Variants in ROBO2 observed in about 807,000 individuals in gnomAD.
ROBO2 encodes the protein roundabout guidance receptor 2.
ROBO2 carries 53 observed loss-of-function variants against 160.8 expected under a neutral mutation model. That is an observed-to-expected ratio of 0.33 (90% CI 0.26 to 0.41). ROBO2 has a LOEUF of 0.41. Among genes scored for constraint, ROBO2 ranks in the 10% least tolerant of loss-of-function variants. The probability of loss-of-function intolerance (pLI) is 1.00; values close to 1 mark genes in which losing one functional copy is unlikely to be tolerated. For synonymous variants in ROBO2, 664 were observed against 611.7 expected (o/e 1.09, Z -1.26); for missense variants, 1,577 against 1,722.4 (o/e 0.92, Z 1.49).
At chr3:76,465,330 G>A (rs1484768213) in intron 2 of ROBO2, among the ~76,000 whole-genome samples, 1 of 151,924 alleles carries the variant, frequency 6.6e-6, no homozygotes, top group Non-Finnish European at 1.5e-5. Flanking sequence ...TTTATTATTT[G>A]ACCAATTATA....
At chr3:76,404,653 T>TA (rs34949408) in intron 2 of ROBO2, among the ~76,000 whole-genome samples, 27,877 of 150,826 alleles carry the variant, frequency 0.18, 3,033 homozygotes, top group African/African-American at 0.3. Context: ...TGAGGGAATG[T>TA]AAAAAATGAG....
In ROBO2 at chr3:76,995,346, A is replaced by G. The variant is rs187599143; in HGVS notation, c.110-102668A>G. 3.0e-4 allele frequency among the ~76,000 whole-genome samples: 45 copies of G among 152,234 alleles called. 1 individual carries two copies. The East Asian group carries it at 7.0e-3, about 24-fold the overall frequency. On this transcript the variant is annotated intron_variant, in intron 2 of 26. Coordinates refer to the ROBO2 transcript ENST00000487694. ...TGCCACAATTTTCTTAATCCAGTCT[A>G]TCATTGATGGACATTTGGGTGGGTT...
At chr3:76,990,594 CA>C (rs1163581638) in intron 2 of ROBO2, among the ~76,000 whole-genome samples, 2 of 152,174 alleles carry the variant, frequency 1.3e-5, no homozygotes, top group African/African-American at 4.8e-5. Flanking sequence ...GGCCCCCCAA[CA>C]CACGCCAAGA....
At chr3:77,010,170 G>A (rs2061795250) in intron 2 of ROBO2, among the ~76,000 whole-genome samples, 1 of 151,926 alleles carries the variant, frequency 6.6e-6, no homozygotes, top group South Asian at 2.1e-4. Flanking sequence ...AAACACGGAG[G>A]ATTGCCCATT....
chr3:76,531,100 A>C (rs915554791), intron 2 of ROBO2, among the ~76,000 whole-genome samples: 1 of 152,206 alleles, frequency 6.6e-6, no homozygotes, highest in East Asian at 1.9e-4. Flanking sequence ...TGAAAATAAG[A>C]TAGGACATTT....
chr3:76,911,760 GGTTCT>G lies in ROBO2; in HGVS notation c.110-186253_110-186249del, dbSNP rs2076004807. ...AATGCATAAAAGGTAGATATCAAAA[GGTTCT>G]ATAAGATTTCCAAAAAGACAACAAT... On this transcript the variant is annotated intron_variant, in intron 2 of 26. Coordinates refer to the ROBO2 transcript ENST00000487694. 4.0e-5 allele frequency among the ~76,000 whole-genome samples: 6 copies of G among 151,892 alleles called. No homozygotes were observed. The South Asian group carries it at 1.0e-3, about 26-fold the overall frequency.
At chr3:76,046,575 G>A (rs1395253889) in intron 2 of ROBO2, among the ~76,000 whole-genome samples, 2 of 151,936 alleles carry the variant, frequency 1.3e-5, no homozygotes, top group Admixed American at 6.5e-5. Flanking sequence ...GTGAACCCGG[G>A]AGGCGGAGCT....
intron 2 of ROBO2, among the ~76,000 whole-genome samples, chr3:76,095,808 A>T (rs1044962168): frequency 6.6e-6 from 1 of 151,956 alleles, no homozygotes; most frequent in African/African-American, 2.4e-5. Context: ...TCTGGTAAAT[A>T]TAACAAGGAA....
intron 1 of ROBO2, among the ~76,000 whole-genome samples, chr3:77,043,330 C>T (rs145188715): frequency 6.6e-6 from 1 of 152,286 alleles, no homozygotes; most frequent in African/African-American, 2.4e-5. Flanking sequence ...GTGCTAGACA[C>T]AGATATTAAT....
At chr3:76,658,590 G>T (rs1455142204) in intron 2 of ROBO2, among the ~76,000 whole-genome samples, 1 of 152,076 alleles carries the variant, frequency 6.6e-6, no homozygotes, top group East Asian at 1.9e-4. Flanking sequence ...TGCAGTGCTT[G>T]GTTTTCTGTC....
At chr3:76,640,348 C>A (rs371203694) in intron 2 of ROBO2, among the ~76,000 whole-genome samples, 1 of 151,950 alleles carries the variant, frequency 6.6e-6, no homozygotes, top group Non-Finnish European at 1.5e-5. Flanking sequence ...CTGACCCACA[C>A]GGTGAAACCT....
At chr3:76,967,743 C>T (rs1188742373) in intron 2 of ROBO2, among the ~76,000 whole-genome samples, 1 of 151,800 alleles carries the variant, frequency 6.6e-6, no homozygotes. Context: ...GAGGGTCTTG[C>T]CGTATTGCCC....
chr3:76,715,052 T>G (rs1345276591), intron 2 of ROBO2, among the ~76,000 whole-genome samples: 2 of 152,166 alleles, frequency 1.3e-5, no homozygotes, highest in Non-Finnish European at 2.9e-5. Context: ...AATTATGGGA[T>G]GCAATGCCAC....
At chr3:76,981,031 G>C (rs1000849171) in intron 2 of ROBO2, among the ~76,000 whole-genome samples, 1 of 151,900 alleles carries the variant, frequency 6.6e-6, no homozygotes, top group Non-Finnish European at 1.5e-5. Context: ...ATTCGTTTTC[G>C]TCGCCTAATA....
At chr3:76,266,413 C>T (rs887076949) in intron 2 of ROBO2, among the ~76,000 whole-genome samples, 1 of 152,156 alleles carries the variant, frequency 6.6e-6, no homozygotes. Context: ...TTATCTATAA[C>T]TACTCTCACA....
intron 2 of ROBO2, among the ~76,000 whole-genome samples, chr3:76,618,146 C>G (rs1308492962): frequency 6.6e-6 from 1 of 151,616 alleles, no homozygotes; most frequent in East Asian, 1.9e-4. Context: ...TAGCTTCTTT[C>G]GACCCCATCT....
At chr3:77,146,095 G>T (rs1265639072) in intron 2 of ROBO2, among the ~76,000 whole-genome samples, 1 of 152,142 alleles carries the variant, frequency 6.6e-6, no homozygotes, top group African/African-American at 2.4e-5. Flanking sequence ...TGAAGCCAGA[G>T]AAATCAAAAA....
At chr3:76,779,449 A>G (rs1025985700) in intron 2 of ROBO2, among the ~76,000 whole-genome samples, 9 of 150,758 alleles carry the variant, frequency 6.0e-5, no homozygotes, top group African/African-American at 1.9e-4. Flanking sequence ...GTAGATCTCA[A>G]TAACTTATTT....
At chr3:76,473,053 TG>T (rs1340695235) in intron 2 of ROBO2, among the ~76,000 whole-genome samples, 1 of 152,300 alleles carries the variant, frequency 6.6e-6, no homozygotes, top group East Asian at 1.9e-4. Context: ...GGCTTCATAA[TG>T]AACAAAGCCG....
Sources: gnomAD v4.1 joint callset for allele counts (sites outside exome capture counted in the v4.1 genomes callset) on GRCh38, gnomAD v4.1.1 for gene constraint, MANE v1.5 for transcripts, NCBI Gene and HGNC (gene_info 2026-07-23, HGNC 2026-07-21) for gene names.